Variants in ZNF331 observed in about 807,000 individuals in gnomAD.
The protein encoded by ZNF331 is zinc finger protein 331.
A neutral mutation model predicts 7.0 loss-of-function variants in ZNF331; 2 were observed. The observed-to-expected ratio is 0.29, with a 90% CI of 0.12 to 0.90. The LOEUF (loss-of-function observed/expected upper bound fraction) is 0.90. Among genes scored for constraint, ZNF331 ranks in the 40% least tolerant of loss-of-function variants. The pLI is 0.58. For synonymous variants in ZNF331, 196 were observed against 205.4 expected, an observed-to-expected ratio of 0.95 and a Z score of 0.39; for missense variants, 432 against 587.7, an observed-to-expected ratio of 0.74 and a Z score of 2.74.
chr19:53,528,766 C>G (rs1189397289), intron 2 of ZNF331, among the ~76,000 whole-genome samples: 2 of 150,868 alleles, frequency 1.3e-5, no homozygotes, highest in African/African-American at 4.9e-5. Context: ...TTTATTTAAT[C>G]TGTCCTCTAC....
chr19:53,504,856 A>T, the ZNF331 span, among the ~76,000 whole-genome samples: 1 of 152,174 alleles, frequency 6.6e-6, no homozygotes, highest in Admixed American at 6.5e-5. Context: ...TGGTTAGCGG[A>T]CAGAAAACGG....
chr19:53,550,264 T>C (rs949135732), intron 2 of ZNF331, among the ~76,000 whole-genome samples: 1 of 152,178 alleles, frequency 6.6e-6, no homozygotes, highest in Non-Finnish European at 1.5e-5. Flanking sequence ...TAAAGCGTAA[T>C]TCAGGTCCAA....
intron 2 of ZNF331, among the ~76,000 whole-genome samples, chr19:53,553,389 A>G (rs1035261193): frequency 2.0e-5 from 3 of 152,154 alleles, no homozygotes; most frequent in African/African-American, 4.8e-5. Context: ...ACTGTATACT[A>G]TAATCACCAA....
chr19:53,545,438 G>A (rs1050759204), intron 2 of ZNF331, among the ~76,000 whole-genome samples: 3 of 152,232 alleles, frequency 2.0e-5, no homozygotes, highest in African/African-American at 7.2e-5. Context: ...GTGGCCTGCA[G>A]AGAATTCCAG....
chr19:53,526,707 T>C (rs2087309959), intron 2 of ZNF331, among the ~76,000 whole-genome samples: 2 of 151,728 alleles, frequency 1.3e-5, no homozygotes, highest in Non-Finnish European at 2.9e-5. Flanking sequence ...CGCCTGTCAC[T>C]GTGCCTGGCT....
chr19:53,560,660 A>G lies in ZNF331; in HGVS notation c.-74+4752A>G, dbSNP rs2089828018. On this transcript the variant is annotated intron_variant, in intron 3 of 5. Coordinates refer to ENST00000449416, the MANE Select transcript of ZNF331 (RefSeq NM_001079906.2). This position sits in a 1 kb window ranked among gnomAD's most constrained non-coding sequence, Gnocchi z 4.3. ...CAGGTTGTTGGAGGCTGTAGGAGATATTCTGTGTCCTTGCTTTTGCTGGCT... is the reference window on the plus strand; with the variant it reads ...CAGGTTGTTGGAGGCTGTAGGAGATGTTCTGTGTCCTTGCTTTTGCTGGCT... Among the ~76,000 whole-genome samples, 2 of 152,118 alleles carry G rather than the reference A, an allele frequency of 1.3e-5. No individual in the cohort carries two copies. Among genetic ancestry groups the G allele is most frequent in the South Asian group, 2.1e-4 (1 of 4,826 alleles).
At chr19:53,504,600 T>C in the ZNF331 span, among the ~76,000 whole-genome samples, 127 of 152,026 alleles carry the variant, frequency 8.4e-4, no homozygotes, top group African/African-American at 2.9e-3. Flanking sequence ...TCCCTCGGAG[T>C]AGACGGGGGG....
intron 2 of ZNF331, among the ~76,000 whole-genome samples, chr19:53,554,222 G>A (rs2089205998): frequency 6.6e-6 from 1 of 152,218 alleles, no homozygotes; most frequent in African/African-American, 2.4e-5. Flanking sequence ...AGAGGCCAAA[G>A]AAGGAAGGAG....
upstream of ZNF331, among the ~76,000 whole-genome samples, chr19:53,517,046 C>G (rs148171247): frequency 1.4e-3 from 217 of 152,250 alleles, no homozygotes; most frequent in African/African-American, 5.1e-3. Flanking sequence ...TCACAGAGAT[C>G]TAATTCCACA....
chr19:53,559,019 TACA>T (rs2089625836), intron 3 of ZNF331, among the ~76,000 whole-genome samples: 1 of 150,556 alleles, frequency 6.6e-6, no homozygotes, highest in Admixed American at 6.6e-5. Context: ...TATACATACC[TACA>T]TATAGAGACA....
chr19:53,527,832 A>C (rs2087364797), intron 2 of ZNF331, among the ~76,000 whole-genome samples: 1 of 146,398 alleles, frequency 6.8e-6, no homozygotes, highest in African/African-American at 2.6e-5. Flanking sequence ...ACGCCATTTC[A>C]AACTAATCCC....
Position 53,556,221 on chromosome 19 carries a change from C to T in ZNF331, c.-74+313C>T, listed in dbSNP as rs753435964. Among the ~76,000 whole-genome samples the T allele has an allele frequency of 2.8e-3, 336 of 120,288 alleles. 2 individuals are homozygous for T. Among genetic ancestry groups the T allele is most frequent in the Non-Finnish European group, 3.4e-3 (211 of 61,992 alleles). 78.9% of individuals were successfully genotyped at this position (120,288 alleles called of 152,430 possible). The stretch of plus-strand genomic sequence containing the variant: ...TCGCACCGCTTCACTCCAGCCTGGG[C>T]AACACAGCGAGACTCCATCTCAAAA... On this transcript the variant is annotated intron_variant, in intron 3 of 5. Coordinates refer to ENST00000449416, the MANE Select transcript of ZNF331 (RefSeq NM_001079906.2).
Position 53,571,304 on chromosome 19 carries a change from C to T in ZNF331, c.10-300C>T, listed in dbSNP as rs73587742. On this transcript the variant is annotated intron_variant, in intron 4 of 5. Transcript: ENST00000449416. This position sits in a 1 kb window ranked among gnomAD's most constrained non-coding sequence, Gnocchi z 4.7. The stretch of plus-strand genomic sequence containing the variant: ...GAGAACTTATAAGGCAGGCACGTAG[C>T]AGACACTGCTTGTAAGCAAGAAGAA... Among the ~76,000 whole-genome samples the T allele has an allele frequency of 7.2e-3, 1,100 of 152,284 alleles. 16 individuals carry two copies. Among genetic ancestry groups the T allele is most frequent in the African/African-American group, 0.025 (1,055 of 41,552 alleles).
At position 53,558,634 on chromosome 19, in the gene ZNF331, G is replaced by A. The variant is rs1457450633; in HGVS notation, c.-74+2726G>A. On this transcript the variant is annotated intron_variant, in intron 3 of 5. Coordinates refer to ENST00000449416, the MANE Select transcript of ZNF331 (RefSeq NM_001079906.2). This position sits in a 1 kb window ranked among gnomAD's most constrained non-coding sequence, Gnocchi z 4.5. Reference sequence around the variant, plus strand: ...ACAGGTACAGGGCAGGACCCTCTCTGGAGTGAGAGTCCTGCTTTGGGCAGG... The same window carrying A: ...ACAGGTACAGGGCAGGACCCTCTCTAGAGTGAGAGTCCTGCTTTGGGCAGG... Among the ~76,000 whole-genome samples the A allele has an allele frequency of 6.6e-6, 1 of 152,000 alleles. No individual in the cohort carries two copies. Among genetic ancestry groups the A allele is most frequent in the Admixed American group, 6.6e-5 (1 of 15,258 alleles).
rs779180036 is a variant in ZNF331, at chr19:53,571,190, C to G, written c.10-414C>G. On this transcript the variant is annotated intron_variant, in intron 4 of 5. Coordinates refer to ENST00000449416, the MANE Select transcript of ZNF331 (RefSeq NM_001079906.2). This position sits in a 1 kb window ranked among gnomAD's most constrained non-coding sequence, Gnocchi z 4.7. ...GCCCCCCGCCCAGCCCCAGCAAACC[C>G]TATTTTCTAAAATAAAAGTTCTTAA... 7.2e-5 allele frequency among the ~76,000 whole-genome samples: 11 copies of G among 152,264 alleles called. No homozygotes were observed. The highest frequency in any genetic ancestry group is 1.3e-4 in the Non-Finnish European group (9 of 68,024).
At position 53,578,602 on chromosome 19, in the gene ZNF331, A is replaced by G. The variant is rs1387077156; in HGVS notation, c.*650A>G. The stretch of plus-strand genomic sequence containing the variant: ...GAAAAAATGTAGTATATAGTATCGT[A>G]TATATGTACAGGAAAAAAACGTACT... On this transcript the variant is annotated 3_prime_UTR_variant, in exon 6 of 6. Coordinates refer to ENST00000449416, the MANE Select transcript of ZNF331 (RefSeq NM_001079906.2). 2 of 206,804 alleles carry G rather than the reference A, an allele frequency of 9.7e-6. No homozygotes were observed. Among genetic ancestry groups the G allele is most frequent in the Non-Finnish European group, 2.0e-5 (2 of 101,508 alleles). 12.8% of individuals were successfully genotyped at this position (206,804 alleles called of 1,614,324 possible).
In ZNF331 at chr19:53,558,596, A is replaced by C. The variant is rs570140802; in HGVS notation, c.-74+2688A>C. 2.6e-5 allele frequency among the ~76,000 whole-genome samples: 4 copies of C among 152,052 alleles called. No homozygotes were observed. Among genetic ancestry groups the C allele is most frequent in the Non-Finnish European group, 5.9e-5 (4 of 67,992 alleles). ...CAGATTCTTCTTGGCCTCTCAGTGC[A>C]GCATTCCTTCCTACAGGTACAGGGC... is the stretch of plus-strand genomic sequence containing the variant. On this transcript the variant is annotated intron_variant, in intron 3 of 5. Transcript: ENST00000449416. The surrounding 1 kb of genome is among the most constrained non-coding windows in gnomAD (Gnocchi z 4.5).
chr19:53,519,638 G>A (rs966844693), upstream of ZNF331, among the ~76,000 whole-genome samples: 8 of 152,126 alleles, frequency 5.3e-5, no homozygotes, highest in Admixed American at 2.0e-4. Context: ...GGCCTCTCCC[G>A]CCCATACCAA....
chr19:53,534,148 A>G (rs958493642), upstream of ZNF331, among the ~76,000 whole-genome samples: 2 of 152,136 alleles, frequency 1.3e-5, no homozygotes, highest in African/African-American at 4.8e-5. Flanking sequence ...TAAGTCCTAG[A>G]AGTCAAAAGT....
Sources: gnomAD v4.1 joint callset for allele counts (sites outside exome capture counted in the v4.1 genomes callset) on GRCh38, gnomAD v4.1.1 for gene constraint, Gnocchi (gnomAD v3.1) non-coding constraint, MANE v1.5 for transcripts, NCBI Gene and HGNC (gene_info 2026-07-23, HGNC 2026-07-21) for gene names.